The following CHSY1 variants were observed in gnomAD, a reference collection of about 807,000 sequenced individuals.
The protein encoded by CHSY1 is N-acetylgalactosaminyl-proteoglycan 3-beta-glucuronosyltransferase 1.
CHSY1 carries 13 observed loss-of-function variants against 59.8 expected under a neutral mutation model. The ratio of observed to expected loss-of-function variants is 0.22; its 90% CI spans 0.14 to 0.35. The LOEUF (loss-of-function observed/expected upper bound fraction) is 0.35. CHSY1 is among the 10% of genes least tolerant of loss of function. The pLI, the probability that CHSY1 is intolerant of heterozygous loss-of-function variation, is 1.00. For missense variants in CHSY1, 947 were observed against 1,030.6 expected, an observed-to-expected ratio of 0.92 and a Z score of 1.11; for synonymous variants, 459 against 401.2, an observed-to-expected ratio of 1.14 and a Z score of -1.72.
At position 101,177,219 on chromosome 15, in the gene CHSY1, A is replaced by G; in HGVS notation, c.*169T>C. 1 of 628,318 alleles carries G rather than the reference A, an allele frequency of 1.6e-6. No individual in the cohort carries two copies. The highest frequency in any genetic ancestry group is 2.7e-6 in the Non-Finnish European group (1 of 372,596). The allele number at this position is 628,318 out of a possible 1,614,324, so 38.9% of individuals were successfully genotyped here. On this transcript the variant is annotated 3_prime_UTR_variant, in exon 3 of 3. Transcript: ENST00000254190. Reference sequence around the variant, plus strand: ...TCAGCAAGAAGATGTGTTCAAAGGCAAACACTGATCACCTTCTTGTTCAGA... The same window carrying G: ...TCAGCAAGAAGATGTGTTCAAAGGCGAACACTGATCACCTTCTTGTTCAGA...
chr15:101,229,444 CA>C (rs1240977712), intron 2 of CHSY1, among the ~76,000 whole-genome samples: 1 of 151,890 alleles, frequency 6.6e-6, no homozygotes, highest in Non-Finnish European at 1.5e-5. Context: ...AGACTTCAGA[CA>C]AAAATTGTTA....
intron 2 of CHSY1, among the ~76,000 whole-genome samples, chr15:101,204,471 T>G (rs1369833172): frequency 6.8e-6 from 1 of 146,496 alleles, no homozygotes; most frequent in African/African-American, 2.6e-5. Context: ...ATAATAATAA[T>G]GTACACTTAT....
intron 1 of CHSY1, among the ~76,000 whole-genome samples, chr15:101,246,768 G>A (rs992415674): frequency 3.3e-5 from 5 of 152,202 alleles, no homozygotes; most frequent in Non-Finnish European, 5.9e-5. Context: ...CTCCAGGGCA[G>A]TAACTGTGAA....
At chr15:101,230,940 T>C (rs1421359935) in intron 2 of CHSY1, among the ~76,000 whole-genome samples, 2 of 152,240 alleles carry the variant, frequency 1.3e-5, no homozygotes, top group African/African-American at 4.8e-5. Context: ...TCTGGGCTCA[T>C]TAATGAACCC....
intron 2 of CHSY1, among the ~76,000 whole-genome samples, chr15:101,213,728 T>C (rs28488500): frequency 0.027 from 4,100 of 152,228 alleles, 170 homozygotes; most frequent in African/African-American, 0.094. Flanking sequence ...GCACAAAATA[T>C]GTCTTTGTGA....
chr15:101,181,784 C>T (rs1206099481), intron 2 of CHSY1, among the ~76,000 whole-genome samples: 1 of 152,142 alleles, frequency 6.6e-6, no homozygotes, highest in African/African-American at 2.4e-5. Flanking sequence ...CCTTGAACGA[C>T]GTGGGGGTTA....
intron 1 of CHSY1, among the ~76,000 whole-genome samples, chr15:101,246,885 A>G (rs1309485494): frequency 6.6e-6 from 1 of 152,218 alleles, no homozygotes; most frequent in Non-Finnish European, 1.5e-5. Flanking sequence ...AAATGTTTAA[A>G]TATGGGAAAA....
chr15:101,237,632 G>C (rs1456552832), intron 1 of CHSY1, among the ~76,000 whole-genome samples: 2 of 152,198 alleles, frequency 1.3e-5, no homozygotes, highest in African/African-American at 4.8e-5. Flanking sequence ...CCCATCGACA[G>C]AGGGAAGATG....
chr15:101,233,235 C>T (rs2038908258), intron 2 of CHSY1, among the ~76,000 whole-genome samples: 1 of 152,214 alleles, frequency 6.6e-6, no homozygotes, highest in Non-Finnish European at 1.5e-5. Context: ...TTCTAACTAC[C>T]TCTTGGCACT....
At chr15:101,207,152 G>C (rs906689855) in intron 2 of CHSY1, among the ~76,000 whole-genome samples, 21 of 152,096 alleles carry the variant, frequency 1.4e-4, no homozygotes, top group African/African-American at 4.8e-4. Context: ...GTCTACTCTT[G>C]ACAAATGTTT....
intron 2 of CHSY1, among the ~76,000 whole-genome samples, chr15:101,229,677 C>T (rs772713370): frequency 6.6e-6 from 1 of 152,064 alleles, no homozygotes; most frequent in African/African-American, 2.4e-5. Flanking sequence ...GAGGCTGAAG[C>T]AGGCAGATCA....
chr15:101,246,998 T>C (rs2039058503), intron 1 of CHSY1, among the ~76,000 whole-genome samples: 1 of 152,332 alleles, frequency 6.6e-6, no homozygotes, highest in South Asian at 2.1e-4. Context: ...CACAGTACCA[T>C]TTTAAAGCGA....
rs111406699 is a variant in CHSY1 at position 101,234,696 on chromosome 15, G to A, written c.816+386C>T. 2.5e-3 allele frequency among the ~76,000 whole-genome samples: 387 copies of A among 152,252 alleles called. 2 individuals are homozygous for A. The highest frequency in any genetic ancestry group is 9.0e-3 in the African/African-American group (373 of 41,548). On this transcript the variant is annotated intron_variant, in intron 2 of 2. Transcript: ENST00000254190. ...AGCCTGGCCAGCATGGTGAAACCTC[G>A]TCTCTACTAAGAATACAGAAATTAG...
intron 2 of CHSY1, among the ~76,000 whole-genome samples, chr15:101,194,127 C>A (rs1312648347): frequency 1.3e-5 from 2 of 152,248 alleles, no homozygotes; most frequent in Non-Finnish European, 2.9e-5. Flanking sequence ...GTGCCCTCTT[C>A]ATGTAGCTAC....
intron 1 of CHSY1, among the ~76,000 whole-genome samples, chr15:101,238,682 G>A (rs975773122): frequency 2.0e-5 from 3 of 152,128 alleles, no homozygotes; most frequent in Non-Finnish European, 2.9e-5. Context: ...TAGTGCCTAT[G>A]GATTTAAAAT....
chr15:101,191,269 CG>C (rs1567090382), intron 2 of CHSY1, among the ~76,000 whole-genome samples: 3 of 152,118 alleles, frequency 2.0e-5, no homozygotes, highest in Admixed American at 6.5e-5. Context: ...TGAAAAGACA[CG>C]GAAGAAAGTT....
intron 2 of CHSY1, among the ~76,000 whole-genome samples, chr15:101,222,551 C>T (rs1338249216): frequency 6.6e-6 from 1 of 152,154 alleles, no homozygotes; most frequent in Non-Finnish European, 1.5e-5. Flanking sequence ...TTTTTCTCTT[C>T]CAATCTAGGG....
At chr15:101,200,075 A>C (rs1424696634) in intron 2 of CHSY1, among the ~76,000 whole-genome samples, 2 of 152,228 alleles carry the variant, frequency 1.3e-5, no homozygotes, top group African/African-American at 4.8e-5. Context: ...TGTGGCAGTT[A>C]TCCAATATTC....
chr15:101,216,912 C>T (rs958868917), intron 2 of CHSY1, among the ~76,000 whole-genome samples: 6 of 152,084 alleles, frequency 3.9e-5, no homozygotes, highest in African/African-American at 1.2e-4. Flanking sequence ...AGGTCAGGAG[C>T]GGGGGTCCCA....
Sources: allele counts gnomAD v4.1 joint callset (sites outside exome capture counted in the v4.1 genomes callset), GRCh38; gene constraint gnomAD v4.1.1; transcripts MANE v1.5; gene names NCBI Gene and HGNC (gene_info 2026-07-23, HGNC 2026-07-21).